Variants in PATJ observed in about 807,000 individuals in gnomAD.
PATJ encodes the protein inaD-like protein.
PATJ carries 190 observed loss-of-function variants against 224.9 expected under a neutral mutation model. The ratio of observed to expected loss-of-function variants is 0.84; its 90% CI spans 0.75 to 0.95. The LOEUF is 0.95. Ranked by LOEUF, PATJ falls within the 40% of genes least tolerant of loss-of-function variation. The probability of loss-of-function intolerance (pLI) is 0.00; values close to 1 mark genes in which losing one functional copy is unlikely to be tolerated. For synonymous variants in PATJ, 769 were observed against 820.3 expected (o/e 0.94, Z 1.07); for missense variants, 2,121 against 2,270.3 (o/e 0.93, Z 1.34).
intron 28 of PATJ, among the ~76,000 whole-genome samples, chr1:61,993,483 C>T (rs1013739212): frequency 3.3e-5 from 5 of 152,128 alleles, no homozygotes; most frequent in African/African-American, 1.2e-4. Flanking sequence ...AGGGTCGGAA[C>T]TGAACATTCC....
Position 62,086,959 on chromosome 1 carries a change from G to A in PATJ, c.4377+2311G>A, listed in dbSNP as rs1021900590. On this transcript the variant is annotated intron_variant, in intron 33 of 43. Coordinates refer to ENST00000642238, the MANE Select transcript of PATJ (RefSeq NM_001350145.3). This position sits in a 1 kb window ranked among gnomAD's most constrained non-coding sequence, Gnocchi z 4.0. ...AGAGTGTGTTACAATGCTAACCTCC[G>A]TCGTCCGTGGACAGCGGTACGTTAT... is the stretch of plus-strand genomic sequence containing the variant. 3.3e-5 allele frequency among the ~76,000 whole-genome samples: 5 copies of A among 152,226 alleles called. No individual in the cohort carries two copies. The highest frequency in any genetic ancestry group is 2.1e-4 in the South Asian group (1 of 4,816).
At chr1:62,004,491 TC>T (rs1157002124) in intron 28 of PATJ, among the ~76,000 whole-genome samples, 1 of 152,212 alleles carries the variant, frequency 6.6e-6, no homozygotes, top group Non-Finnish European at 1.5e-5. Flanking sequence ...TGGCTTTTTT[TC>T]ACCCCGAGTA....
intron 18 of PATJ, among the ~76,000 whole-genome samples, chr1:61,860,612 G>A (rs970491787): frequency 6.6e-6 from 1 of 152,080 alleles, no homozygotes; most frequent in African/African-American, 2.4e-5. Context: ...TCACCTGGGA[G>A]GTCAGGAGTT....
At chr1:61,807,838 A>G (rs1653906202) in intron 13 of PATJ, among the ~76,000 whole-genome samples, 1 of 152,242 alleles carries the variant, frequency 6.6e-6, no homozygotes, top group South Asian at 2.1e-4. Flanking sequence ...GATGCAAATC[A>G]TCAGTAACAT....
intron 41 of PATJ, among the ~76,000 whole-genome samples, chr1:62,140,862 T>C (rs958814018): frequency 2.0e-5 from 3 of 151,670 alleles, no homozygotes; most frequent in African/African-American, 7.3e-5. Flanking sequence ...TGAGCTATGA[T>C]CGCACCACTG....
chr1:62,057,289 G>GT (rs1402019851), intron 31 of PATJ, among the ~76,000 whole-genome samples: 1 of 152,228 alleles, frequency 6.6e-6, no homozygotes. Flanking sequence ...ACAAAGGAAG[G>GT]TTTTAGGCAA....
intron 42 of PATJ, among the ~76,000 whole-genome samples, chr1:62,150,679 G>GAAAAAAAAAAAAAAAAAAAAAAAAA (rs56167585): frequency 2.4e-5 from 2 of 82,008 alleles, no homozygotes; most frequent in African/African-American, 5.0e-5. Context: ...CCTGTCTCAA[G>GAAAAAAAAAAAAAAAAAAAAAAAAA]AAAAAAAAAA....
Position 62,128,014 on chromosome 1 carries a change from G to A in PATJ, c.5086G>A (p.Gly1696Arg), listed in dbSNP as rs971207016. The A allele has an allele frequency of 1.3e-5, 21 of 1,614,090 alleles. No individual in the cohort carries two copies. Among genetic ancestry groups the A allele is most frequent in the Non-Finnish European group, 1.6e-5 (19 of 1,179,956 alleles). Reference sequence around the variant, plus strand: ...TGGAATCAGTATTGCTGGAGGAAGAGGAAGTCCCTTAGGAGATATCCCCGT... The same window carrying A: ...TGGAATCAGTATTGCTGGAGGAAGAAGAAGTCCCTTAGGAGATATCCCCGT... ...ALGISIAGGRGSPLGDIPVFI... is the reference protein window; with the variant it reads ...ALGISIAGGRRSPLGDIPVFI... The change falls in exon 40 of 44, where the codon GGA (glycine) becomes AGA (arginine). Residue 1696 changes from glycine (G) to arginine (R), a missense_variant. Gly to Arg is a moderately radical substitution (Grantham distance 125). Transcript: ENST00000642238.
chr1:62,117,479 G>A, intron 37 of PATJ: 1 of 1,194,394 alleles, frequency 8.4e-7, no homozygotes, highest in Non-Finnish European at 1.1e-6. Context: ...TATTGCCTAT[G>A]CACGCATGTA....
intron 3 of PATJ, among the ~76,000 whole-genome samples, chr1:61,763,408 G>A (rs770987081): frequency 2.1e-4 from 32 of 151,754 alleles, no homozygotes; most frequent in Non-Finnish European, 3.4e-4. Flanking sequence ...GGCATGTACC[G>A]GTAGTCCCAG....
rs548670116 is a variant in PATJ, at chr1:61,860,468, G to T, written c.2323-1083G>T. The stretch of plus-strand genomic sequence containing the variant: ...GGGTTTTTGCTTAGTTATGTGGTTT[G>T]CAAGGCTACGTGTCCTTGTGCCAGT... On this transcript the variant is annotated intron_variant, in intron 18 of 43. Coordinates refer to ENST00000642238, the MANE Select transcript of PATJ (RefSeq NM_001350145.3). 2.6e-5 allele frequency among the ~76,000 whole-genome samples: 4 copies of T among 152,296 alleles called. No homozygotes were observed. The East Asian group carries it at 7.7e-4, about 29-fold the overall frequency.
At chr1:62,030,231 G>C (rs1004324050) in intron 29 of PATJ, among the ~76,000 whole-genome samples, 2 of 152,146 alleles carry the variant, frequency 1.3e-5, no homozygotes, top group Non-Finnish European at 2.9e-5. Context: ...GTAGCACCTG[G>C]AAGTTTAAGC....
chr1:61,990,360 T>C lies in PATJ; in HGVS notation c.3863T>C (p.Leu1288Ser), dbSNP rs1644993000. The C allele has an allele frequency of 1.1e-5, 17 of 1,610,100 alleles. No individual in the cohort carries two copies. The highest frequency in any genetic ancestry group is 1.7e-4 in the Middle Eastern group (1 of 6,048). ...CGAATGCGTATTGGAGATGAACTCT[T>C]AGAGGTGAGAAGCATGTGTTTTTAA... is the stretch of plus-strand genomic sequence containing the variant. ...DGRMRIGDEL[L>S]EINNQILYGR... The change falls in exon 28 of 44, where the codon TTA becomes TCA. Residue 1288 changes from leucine to serine, a missense_variant. Coordinates refer to ENST00000642238, the MANE Select transcript of PATJ (RefSeq NM_001350145.3).
At chr1:62,033,832 C>T (rs114158679) in intron 29 of PATJ, among the ~76,000 whole-genome samples, 62 of 152,274 alleles carry the variant, frequency 4.1e-4, no homozygotes, top group African/African-American at 1.4e-3. Flanking sequence ...ATTTACATCA[C>T]AGTACACCTA....
chr1:62,024,086 T>A (rs1647299468), intron 29 of PATJ, among the ~76,000 whole-genome samples: 2 of 152,214 alleles, frequency 1.3e-5, no homozygotes, highest in Non-Finnish European at 2.9e-5. Flanking sequence ...GATGTGCTGC[T>A]GAATTCGGTT....
At chr1:62,032,692 G>C (rs185147417) in intron 29 of PATJ, among the ~76,000 whole-genome samples, 22 of 152,306 alleles carry the variant, frequency 1.4e-4, no homozygotes, top group Admixed American at 1.4e-3. Flanking sequence ...AGCTGAATTA[G>C]AGGTATTCTT....
chr1:61,949,626 G>A (rs906223099), intron 27 of PATJ, among the ~76,000 whole-genome samples: 2 of 152,222 alleles, frequency 1.3e-5, no homozygotes, highest in Non-Finnish European at 2.9e-5. Context: ...AAGTGAATAG[G>A]CCAGGTGCAG....
chr1:61,750,671 C>A (rs549071618), intron 1 of PATJ, among the ~76,000 whole-genome samples: 3 of 151,770 alleles, frequency 2.0e-5, no homozygotes, highest in African/African-American at 7.3e-5. Context: ...GAACTCCCAA[C>A]CTCAGGTGTT....
chr1:62,105,303 C>T (rs2097989830), intron 33 of PATJ, among the ~76,000 whole-genome samples: 1 of 152,012 alleles, frequency 6.6e-6, no homozygotes, highest in Non-Finnish European at 1.5e-5. Context: ...TGTAATGTTC[C>T]AAGATCAAAG....
Sources: gnomAD v4.1 joint callset for allele counts (sites outside exome capture counted in the v4.1 genomes callset) on GRCh38, gnomAD v4.1.1 for gene constraint, Gnocchi (gnomAD v3.1) non-coding constraint, MANE v1.5 for transcripts, NCBI Gene and HGNC (gene_info 2026-07-23, HGNC 2026-07-21) for gene names.